PRKAG2: variants seen among roughly 807,000 people sequenced by gnomAD.
PRKAG2 encodes the protein 5'-AMP-activated protein kinase subunit gamma-2.
A neutral mutation model predicts 69.6 loss-of-function variants in PRKAG2; 26 were observed. The ratio of observed to expected loss-of-function variants is 0.37; its 90% confidence interval spans 0.27 to 0.52. PRKAG2 has a LOEUF of 0.52. Among genes scored for constraint, PRKAG2 ranks in the 20% least tolerant of loss-of-function variants. The probability of loss-of-function intolerance (pLI) is 0.90; values close to 1 mark genes in which losing one functional copy is unlikely to be tolerated. For missense variants in PRKAG2, 557 were observed against 740.0 expected, an observed-to-expected ratio of 0.75 and a Z score of 2.87; for synonymous variants, 293 against 285.0, an observed-to-expected ratio of 1.03 and a Z score of -0.28.
chr7:151,661,254 T>G (rs574689640), intron 4 of PRKAG2, among the ~76,000 whole-genome samples: 1 of 152,302 alleles, frequency 6.6e-6, no homozygotes, highest in South Asian at 2.1e-4. Flanking sequence ...GGTGCAATCT[T>G]GGCTCACTGC....
chr7:151,751,690 T>C (rs1262059578), intron 3 of PRKAG2, among the ~76,000 whole-genome samples: 5 of 151,450 alleles, frequency 3.3e-5, no homozygotes, highest in African/African-American at 1.2e-4. Flanking sequence ...TGTTTGTTTG[T>C]TTGTTTGTTT....
rs1211081836 is a variant in PRKAG2, at chr7:151,814,425, A to G, written c.115-27884T>C. ...CCGCAGGTCTGCTTACTCAGCCCCA[A>G]GGGGTCCTGGAGGTCTTCTCTTCCA... is the stretch of plus-strand genomic sequence containing the variant. On this transcript the variant is annotated intron_variant, in intron 1 of 15. Transcript: ENST00000287878. This position sits in a 1 kb window ranked among gnomAD's most constrained non-coding sequence, Gnocchi z 4.8. 6 of 1,228,214 alleles carry G rather than the reference A, an allele frequency of 4.9e-6. No homozygotes were observed. Among genetic ancestry groups the G allele is most frequent in the Non-Finnish European group, 6.1e-6 (6 of 986,414 alleles). 76.1% of individuals were successfully genotyped at this position (1,228,214 alleles called of 1,614,324 possible).
chr7:151,875,562 G>GGGGTGT (rs1158947028), intron 1 of PRKAG2, among the ~76,000 whole-genome samples: 8 of 131,344 alleles, frequency 6.1e-5, no homozygotes, highest in East Asian at 2.6e-4. Flanking sequence ...GGAGCACTCT[G>GGGGTGT]GTGTGTGTGT....
chr7:151,739,751 G>T (rs2073739043), intron 3 of PRKAG2, among the ~76,000 whole-genome samples: 1 of 152,122 alleles, frequency 6.6e-6, no homozygotes, highest in Non-Finnish European at 1.5e-5. Context: ...GATTACAGGT[G>T]TGAGCCACCA....
At chr7:151,784,853 C>G (rs1034254604) in intron 2 of PRKAG2, among the ~76,000 whole-genome samples, 3 of 152,156 alleles carry the variant, frequency 2.0e-5, no homozygotes, top group Non-Finnish European at 4.4e-5. Flanking sequence ...GGAAAATGGC[C>G]GAAGCATGCT....
chr7:151,736,402 T>TC (rs1799819611), intron 3 of PRKAG2: 3 of 888,004 alleles, frequency 3.4e-6, no homozygotes, highest in South Asian at 5.2e-5. Flanking sequence ...TTTTTTTTTT[T>TC]CTCCTTAAAA....
intron 3 of PRKAG2, among the ~76,000 whole-genome samples, chr7:151,688,599 C>A (rs888069249): frequency 6.6e-6 from 1 of 152,158 alleles, no homozygotes; most frequent in African/African-American, 2.4e-5. Flanking sequence ...CGGCGGGCTC[C>A]CCCACTGTGC....
chr7:151,656,803 G>C (rs1829485288), intron 4 of PRKAG2, among the ~76,000 whole-genome samples: 1 of 152,120 alleles, frequency 6.6e-6, no homozygotes, highest in African/African-American at 2.4e-5. Flanking sequence ...TTTGATTCAA[G>C]TAACATCGTG....
chr7:151,743,237 C>T (rs2074027224), intron 3 of PRKAG2, among the ~76,000 whole-genome samples: 1 of 152,156 alleles, frequency 6.6e-6, no homozygotes, highest in South Asian at 2.1e-4. Context: ...TTTAAAGGGC[C>T]AGGGCCTTTT....
intron 3 of PRKAG2, among the ~76,000 whole-genome samples, chr7:151,683,217 G>A (rs1834154035): frequency 6.6e-6 from 1 of 152,180 alleles, no homozygotes; most frequent in South Asian, 2.1e-4. Flanking sequence ...GACTTCACAG[G>A]GCCTGGCCCT....
At chr7:151,774,349 T>C (rs1008070930) in intron 3 of PRKAG2, among the ~76,000 whole-genome samples, 1 of 152,134 alleles carries the variant, frequency 6.6e-6, no homozygotes, top group Non-Finnish European at 1.5e-5. Context: ...GGTCCCAAGA[T>C]CAGCTGTGGA....
rs765790761 is a variant in PRKAG2 at position 151,798,337 on chromosome 7, T to TG, written c.115-11797dup. ...TTTGTTCGTTTTTTGTTTTTTGAGA[T>TG]GGAGTCTCACTCTGTCGCCCAGGCT... is the stretch of plus-strand genomic sequence containing the variant. On this transcript the variant is annotated intron_variant, in intron 1 of 15. Transcript: ENST00000287878. Among the ~76,000 whole-genome samples the TG allele has an allele frequency of 4.1e-4, 62 of 151,518 alleles. 2 individuals are homozygous for TG. The highest frequency in any genetic ancestry group is 6.8e-3 in the Middle Eastern group (2 of 292).
At chr7:151,759,055 C>T (rs187654667) in intron 3 of PRKAG2, among the ~76,000 whole-genome samples, 34 of 152,256 alleles carry the variant, frequency 2.2e-4, no homozygotes, top group African/African-American at 7.7e-4. Flanking sequence ...CTTTCTGTAT[C>T]GCTCAATTAA....
At chr7:151,693,673 T>C (rs918341508) in intron 3 of PRKAG2, among the ~76,000 whole-genome samples, 3 of 152,196 alleles carry the variant, frequency 2.0e-5, no homozygotes, top group Non-Finnish European at 4.4e-5. Context: ...CGCAAGGTGA[T>C]GGTGTTAGGA....
chr7:151,803,138 A>G (rs1371614887), intron 1 of PRKAG2, among the ~76,000 whole-genome samples: 1 of 151,704 alleles, frequency 6.6e-6, no homozygotes, highest in Non-Finnish European at 1.5e-5. Context: ...TTGTATTTTT[A>G]GTAGAGATGG....
rs1057522970 is a variant in PRKAG2, at chr7:151,876,519, G to C, written c.102C>G (p.Arg34=). The part of the protein sequence containing the change: ...KNASQKRRSL[R]VHIPDLSSFA... Reference sequence around the variant, plus strand: ...TGCTGGGACTCACCGGAATGTGCACGCGCAGCGAACGCCTCTTCTGGCTGG... The same window carrying C: ...TGCTGGGACTCACCGGAATGTGCACCCGCAGCGAACGCCTCTTCTGGCTGG... The change falls in exon 1 of 16, where the codon CGC becomes CGG. Residue 34 remains arginine, a synonymous_variant. Transcript: ENST00000287878. The C allele has an allele frequency of 6.2e-7, 1 of 1,606,916 alleles. No homozygotes were observed. The highest frequency in any genetic ancestry group is 8.5e-7 in the Non-Finnish European group (1 of 1,179,762).
intron 6 of PRKAG2, among the ~76,000 whole-genome samples, chr7:151,585,393 G>A (rs1811412801): frequency 6.6e-6 from 1 of 152,140 alleles, no homozygotes; most frequent in African/African-American, 2.4e-5. Flanking sequence ...AAGAGACTAT[G>A]TCTTTATTGT....
chr7:151,786,068 G>A (rs890886485), intron 2 of PRKAG2, among the ~76,000 whole-genome samples: 3 of 152,210 alleles, frequency 2.0e-5, no homozygotes, highest in Non-Finnish European at 4.4e-5. Context: ...GGGGGTGGGC[G>A]CTGGTGGGCA....
chr7:151,600,998 C>T (rs1476207424), intron 5 of PRKAG2, among the ~76,000 whole-genome samples: 1 of 152,092 alleles, frequency 6.6e-6, no homozygotes, highest in Non-Finnish European at 1.5e-5. Context: ...AAGTAGTGAC[C>T]CAAGCGGGAT....
Sources: gnomAD v4.1 joint callset for allele counts (sites outside exome capture counted in the v4.1 genomes callset) on GRCh38, gnomAD v4.1.1 for gene constraint, Gnocchi (gnomAD v3.1) non-coding constraint, MANE v1.5 for transcripts, NCBI Gene and HGNC (gene_info 2026-07-23, HGNC 2026-07-21) for gene names.